The following JAK2 variants were observed in gnomAD, a reference collection of about 807,000 sequenced individuals.
JAK2 encodes the protein Janus kinase 2.
JAK2 carries 86 observed loss-of-function variants against 139.3 expected under a neutral mutation model. The observed-to-expected ratio is 0.62, with a 90% CI of 0.52 to 0.74. JAK2 has a LOEUF of 0.74. JAK2 is among the 30% of genes least tolerant of loss of function. JAK2 has a pLI of 0.00. For missense variants in JAK2, 1,421 were observed against 1,360.3 expected, an observed-to-expected ratio of 1.04 and a Z score of -0.70; for synonymous variants, 490 against 437.7, an observed-to-expected ratio of 1.12 and a Z score of -1.49.
chr9:5,043,223 C>T (rs1383112025), intron 4 of JAK2, among the ~76,000 whole-genome samples: 1 of 152,078 alleles, frequency 6.6e-6, no homozygotes, highest in East Asian at 1.9e-4. Context: ...GGGCGGTGGC[C>T]GTGAGTCTGG....
intron 22 of JAK2, chr9:5,111,093 C>T (rs1822470759): frequency 8.2e-7 from 1 of 1,222,070 alleles, no homozygotes; most frequent in Non-Finnish European, 1.1e-6. Context: ...CCTGGGGCAG[C>T]GGCGACCAGA....
At chr9:5,122,907 C>T (rs1307677230) in intron 22 of JAK2, 97 bp from the exon 23 acceptor site, 1 of 751,848 alleles carries the variant, frequency 1.3e-6, no homozygotes, top group Admixed American at 2.8e-5. Flanking sequence ...CTTTTCTCTA[C>T]ATGTTTTTTT....
chr9:5,041,054 A>G lies in JAK2; in HGVS notation c.351-3349A>G. The G allele has an allele frequency of 4.4e-6, 3 of 687,890 alleles. No homozygotes were observed. The South Asian group carries it at 4.5e-5, about 10-fold the overall frequency. The allele number at this position is 687,890 out of a possible 1,614,324, so 42.6% of individuals were successfully genotyped here. A position where few individuals can be genotyped will look rare whatever the true frequency, so the allele number is the denominator to read the frequency against. ...GGTTCTACAAGCAGCTCAGCGCCAT[A>G]GAGGGCGTCCCTCAGGTCTACTACC... On this transcript the variant is annotated intron_variant, in intron 4 of 24. Transcript: ENST00000381652.
At chr9:5,020,440 G>C (rs1425137166) in intron 2 of JAK2, among the ~76,000 whole-genome samples, 1 of 152,182 alleles carries the variant, frequency 6.6e-6, no homozygotes, top group Non-Finnish European at 1.5e-5. Context: ...TTTGTGGTGG[G>C]CAGGAGCAGG....
In JAK2 at chr9:5,078,336, T is replaced by G; in HGVS notation, c.2023T>G (p.Cys675Gly). Residue 675 changes from cysteine (C) to glycine (G), a missense_variant, in exon 16 of 25, where the codon TGT (cysteine) becomes GGT (glycine). Cys to Gly is a radical substitution (Grantham distance 159). Coordinates refer to ENST00000381652, the MANE Select transcript of JAK2 (RefSeq NM_004972.4). ...EENTLIHGNV[C>G]AKNILLIREE... ...AAACACCCTTATTCATGGGAATGTATGTGCCAAAAATATTCTGCTTATCAG... is the reference window on the plus strand; with the variant it reads ...AAACACCCTTATTCATGGGAATGTAGGTGCCAAAAATATTCTGCTTATCAG... The G allele has an allele frequency of 6.2e-7, 1 of 1,612,656 alleles. No homozygotes were observed. The highest frequency in any genetic ancestry group is 8.5e-7 in the Non-Finnish European group (1 of 1,178,944).
At chr9:5,052,755 T>A (rs1231277293) in intron 6 of JAK2, among the ~76,000 whole-genome samples, 1 of 152,028 alleles carries the variant, frequency 6.6e-6, no homozygotes, top group South Asian at 2.1e-4. Flanking sequence ...GGTGTGGCAT[T>A]TTTTTTGTCT....
At chr9:5,068,855 G>C (rs1818748478) in intron 10 of JAK2, among the ~76,000 whole-genome samples, 167 bp from the exon 11 acceptor site, 1 of 152,118 alleles carries the variant, frequency 6.6e-6, no homozygotes. Flanking sequence ...ATTGTAAATT[G>C]CCCTTTTGAG....
intron 8 of JAK2, 49 bp from the exon 9 acceptor site, chr9:5,064,834 G>A (rs748150266): frequency 5.1e-6 from 7 of 1,363,942 alleles, no homozygotes; most frequent in Non-Finnish European, 6.9e-6. Context: ...TATTTAACAT[G>A]GAGTTGACTT....
intron 9 of JAK2, among the ~76,000 whole-genome samples, chr9:5,065,661 A>G (rs975814030): frequency 3.9e-5 from 6 of 152,202 alleles, no homozygotes; most frequent in Non-Finnish European, 5.9e-5. Flanking sequence ...ATTGGCTCAC[A>G]CAGTTGTAGA....
intron 19 of JAK2, chr9:5,085,953 G>A: frequency 8.9e-6 from 10 of 1,127,140 alleles, no homozygotes; most frequent in South Asian, 8.6e-5. Context: ...GAAAGGATCG[G>A]TGTATTTCTC....
Position 5,054,616 on chromosome 9 carries a change from T to C in JAK2, c.668T>C (p.Ile223Thr), listed in dbSNP as rs562010686. The change falls in exon 7 of 25, where the codon ATT becomes ACT. Residue 223 changes from isoleucine (I) to threonine (T), a missense_variant. Ile to Thr is a moderately conservative substitution (Grantham distance 89, BLOSUM62 -1). Coordinates refer to ENST00000381652, the MANE Select transcript of JAK2 (RefSeq NM_004972.4). The surrounding 1 kb of genome is among the most constrained non-coding windows in gnomAD (Gnocchi z 4.9). ...CIRAKIQDYHILTRKRIRYRF... is the reference protein window; with the variant it reads ...CIRAKIQDYHTLTRKRIRYRF... ...CGAGCAAAGATCCAAGACTATCATA[T>C]TTTGACAAGGAAGCGAATAAGGTAC... 7 of 1,612,482 alleles carry C rather than the reference T, an allele frequency of 4.3e-6. No individual in the cohort carries two copies. The highest frequency in any genetic ancestry group is 1.1e-5 in the South Asian group (1 of 90,842).
Position 5,054,436 on chromosome 9 carries a change from A to T in JAK2, c.615-127A>T. The T allele has an allele frequency of 1.4e-6, 1 of 698,130 alleles. No individual in the cohort carries two copies. Among genetic ancestry groups the T allele is most frequent in the Non-Finnish European group, 2.4e-6 (1 of 411,440 alleles). 43.2% of individuals were successfully genotyped at this position (698,130 alleles called of 1,614,324 possible). On this transcript the variant is annotated intron_variant, in intron 6 of 24. Coordinates refer to ENST00000381652, the MANE Select transcript of JAK2 (RefSeq NM_004972.4). This position sits in a 1 kb window ranked among gnomAD's most constrained non-coding sequence, Gnocchi z 4.9. ...GATGGGGGTTATGTCAACTTACGCCACTTGGCCACTGTGTTGTAAGGCCTA... is the reference window on the plus strand; with the variant it reads ...GATGGGGGTTATGTCAACTTACGCCTCTTGGCCACTGTGTTGTAAGGCCTA...
chr9:5,122,493 G>C (rs941254754), intron 22 of JAK2, among the ~76,000 whole-genome samples: 3 of 151,952 alleles, frequency 2.0e-5, no homozygotes, highest in African/African-American at 4.8e-5. Context: ...CTTCTTAGAA[G>C]GTACTCTGCA....
chr9:5,011,517 A>G (rs774217272), intron 2 of JAK2, among the ~76,000 whole-genome samples: 33 of 152,348 alleles, frequency 2.2e-4, no homozygotes, highest in Non-Finnish European at 4.3e-4. Flanking sequence ...TAGAGTTTAC[A>G]TATGGCTTCT....
At chr9:5,087,919 A>G (rs887074158) in intron 19 of JAK2, among the ~76,000 whole-genome samples, 1 of 152,234 alleles carries the variant, frequency 6.6e-6, no homozygotes, top group African/African-American at 2.4e-5. Flanking sequence ...AAATTAGTGC[A>G]TTCGTGTGAC....
chr9:5,089,953 C>G (rs2130676787), intron 20 of JAK2, 90 bp downstream of exon 20: 1 of 860,064 alleles, frequency 1.2e-6, no homozygotes, highest in East Asian at 3.2e-5. Flanking sequence ...ACGATCTGGA[C>G]TTATGCCAAT....
In JAK2 at chr9:4,999,171, G is replaced by T. The variant is rs562592501; in HGVS notation, c.-26+13149G>T. 6.6e-5 allele frequency among the ~76,000 whole-genome samples: 10 copies of T among 152,254 alleles called. 1 individual carries two copies. The South Asian group carries it at 2.1e-3, about 32-fold the overall frequency. ...TGCCTGTCATGTGTGTACTTCTGAC[G>T]CTGGCCCAAGGTAAAATGATTACAT... On this transcript the variant is annotated intron_variant, in intron 2 of 24. Transcript: ENST00000381652.
chr9:5,033,426 C>G (rs199941377), intron 4 of JAK2, among the ~76,000 whole-genome samples: 1 of 152,104 alleles, frequency 6.6e-6, no homozygotes. Context: ...GCAACTCCAA[C>G]ACACATAATT....
intron 19 of JAK2, among the ~76,000 whole-genome samples, chr9:5,082,957 C>T (rs1301129079): frequency 1.3e-5 from 2 of 152,214 alleles, no homozygotes; most frequent in Non-Finnish European, 2.9e-5. Context: ...TCCTTTTCTA[C>T]ATAGACACAG....
Sources: gnomAD v4.1 joint callset for allele counts (sites outside exome capture counted in the v4.1 genomes callset) on GRCh38, gnomAD v4.1.1 for gene constraint, Gnocchi (gnomAD v3.1) non-coding constraint, MANE v1.5 for transcripts, NCBI Gene and HGNC (gene_info 2026-07-23, HGNC 2026-07-21) for gene names.